DPYD: variants seen among roughly 807,000 people sequenced by gnomAD.
The protein encoded by DPYD is dihydropyrimidine dehydrogenase.
A neutral mutation model predicts 116.2 loss-of-function variants in DPYD; 109 were observed. That is an observed-to-expected ratio of 0.94 (90% CI 0.80 to 1.10). DPYD has a LOEUF of 1.10. Among genes scored for constraint, DPYD ranks in the 50% least tolerant of loss-of-function variants. The pLI is 0.00. For synonymous variants in DPYD, 440 were observed against 432.0 expected (o/e 1.02, Z -0.23); for missense variants, 1,302 against 1,254.5 (o/e 1.04, Z -0.57).
At chr1:97,388,553 T>C (rs1320319530) in intron 14 of DPYD, among the ~76,000 whole-genome samples, 1 of 152,110 alleles carries the variant, frequency 6.6e-6, no homozygotes, top group East Asian at 1.9e-4. Context: ...TGAATGCTTC[T>C]GAAAGTCTGT....
At position 97,082,345 on chromosome 1, in the gene DPYD, A is replaced by T. The variant is rs1432965653; in HGVS notation, c.2892T>A (p.Asn964Lys). ...GGATTCTTACCTGGTAGCCAGAATC[A>T]TTACAGGTCATGTAGCATTTACCAC... ...INCGKCYMTC[N>K]DSGYQAIQFD... Residue 964 changes from asparagine (N) to lysine (K), a missense_variant, in exon 22 of 23, where the codon AAT becomes AAA. Physicochemically the swap from Asn to Lys is moderately conservative, Grantham distance 94. Coordinates refer to ENST00000370192, the MANE Select transcript of DPYD (RefSeq NM_000110.4). 6.2e-7 allele frequency: 1 copy of T among 1,613,546 alleles called. No individual in the cohort carries two copies.
intron 5 of DPYD, among the ~76,000 whole-genome samples, chr1:97,717,937 C>A (rs1662704593): frequency 6.6e-6 from 1 of 151,836 alleles, no homozygotes; most frequent in Non-Finnish European, 1.5e-5. Flanking sequence ...CATGTGTGAT[C>A]AAGTATCTTT....
chr1:97,171,556 C>T (rs1656726893), intron 20 of DPYD, among the ~76,000 whole-genome samples: 1 of 152,186 alleles, frequency 6.6e-6, no homozygotes, highest in African/African-American at 2.4e-5. Context: ...GCTGCCTCTG[C>T]TCTTTCCAGC....
intron 20 of DPYD, among the ~76,000 whole-genome samples, chr1:97,107,890 C>T (rs1291523561): frequency 1.3e-5 from 2 of 152,042 alleles, no homozygotes; most frequent in Admixed American, 1.3e-4. Flanking sequence ...TCTATGCTTC[C>T]TGTTTTACTT....
At chr1:97,486,305 T>A (rs987569954) in intron 13 of DPYD, among the ~76,000 whole-genome samples, 2 of 152,198 alleles carry the variant, frequency 1.3e-5, no homozygotes, top group Non-Finnish European at 2.9e-5. Flanking sequence ...TTGCAGTTTT[T>A]AAGGGCTGAA....
intron 3 of DPYD, among the ~76,000 whole-genome samples, chr1:97,753,192 A>G (rs1019303674): frequency 2.0e-5 from 3 of 152,330 alleles, no homozygotes; most frequent in East Asian, 1.9e-4. Context: ...TAAAAACCCA[A>G]TGAGATAGAT....
chr1:97,181,552 A>T (rs1277653091), intron 20 of DPYD, among the ~76,000 whole-genome samples: 1 of 152,154 alleles, frequency 6.6e-6, no homozygotes, highest in East Asian at 1.9e-4. Flanking sequence ...GCTTCAAAAG[A>T]CAAAGATGCT....
chr1:97,431,159 T>G (rs532830478), intron 14 of DPYD, among the ~76,000 whole-genome samples: 8 of 152,168 alleles, frequency 5.3e-5, no homozygotes, highest in African/African-American at 1.9e-4. Flanking sequence ...TTCTTACACA[T>G]AGAGAAAAAA....
intron 3 of DPYD, among the ~76,000 whole-genome samples, chr1:97,799,498 A>T (rs1206388070): frequency 6.6e-6 from 1 of 151,970 alleles, no homozygotes. Context: ...CATGCTAGTT[A>T]TCTGAAATAA....
intron 2 of DPYD, among the ~76,000 whole-genome samples, chr1:97,869,666 CACAA>C (rs1176740298): frequency 1.3e-5 from 2 of 151,686 alleles, no homozygotes; most frequent in Non-Finnish European, 2.9e-5. Context: ...GATGGATTTG[CACAA>C]ACAAACCTTG....
chr1:97,753,104 T>C (rs1417419053), intron 3 of DPYD, among the ~76,000 whole-genome samples: 1 of 152,220 alleles, frequency 6.6e-6, no homozygotes, highest in African/African-American at 2.4e-5. Flanking sequence ...CACTGTTCTG[T>C]GTGTTTTATA....
At chr1:97,289,148 A>G (rs1206925872) in intron 18 of DPYD, among the ~76,000 whole-genome samples, 1 of 152,184 alleles carries the variant, frequency 6.6e-6, no homozygotes, top group Non-Finnish European at 1.5e-5. Flanking sequence ...AAGAAGCTGA[A>G]TCTCTGAATA....
At chr1:97,865,166 G>T (rs531155739) in intron 2 of DPYD, among the ~76,000 whole-genome samples, 2 of 151,870 alleles carry the variant, frequency 1.3e-5, no homozygotes, top group Non-Finnish European at 2.9e-5. Flanking sequence ...TACACAACAA[G>T]TTGGTCAGGT....
At position 97,593,231 on chromosome 1, in the gene DPYD, G is replaced by A; in HGVS notation, c.1115C>T (p.Ala372Val). The change falls in exon 10 of 23, where the codon GCT becomes GTT. Residue 372 changes from alanine (A) to valine (V), a missense_variant. Coordinates refer to ENST00000370192, the MANE Select transcript of DPYD (RefSeq NM_000110.4). ...GTTCCATTTTACCTCCTCAGGGACAGCTCTTATATTAACAAAGCCTTTTCT... is the reference window on the plus strand; with the variant it reads ...GTTCCATTTTACCTCCTCAGGGACAACTCTTATATTAACAAAGCCTTTTCT... ...VFRKGFVNIR[A>V]VPEEMELAKE... 5 of 1,614,026 alleles carry A rather than the reference G, an allele frequency of 3.1e-6. No individual in the cohort carries two copies. Among genetic ancestry groups the A allele is most frequent in the South Asian group, 1.1e-5 (1 of 91,078 alleles).
chr1:97,835,083 G>A (rs1250590179), intron 2 of DPYD, among the ~76,000 whole-genome samples: 2 of 151,900 alleles, frequency 1.3e-5, no homozygotes, highest in Non-Finnish European at 2.9e-5. Context: ...ACTAATTGTG[G>A]CCAGCTTACA....
intron 14 of DPYD, among the ~76,000 whole-genome samples, chr1:97,416,857 G>A (rs576850669): frequency 6.6e-6 from 1 of 152,190 alleles, no homozygotes; most frequent in Admixed American, 6.5e-5. Flanking sequence ...CGCTTCATGT[G>A]CAGCCTTAAG....
intron 3 of DPYD, among the ~76,000 whole-genome samples, chr1:97,770,693 A>G (rs1474769582): frequency 6.6e-6 from 1 of 152,162 alleles, no homozygotes; most frequent in African/African-American, 2.4e-5. Flanking sequence ...TTATTTCATT[A>G]AATTGGGAAA....
intron 14 of DPYD, among the ~76,000 whole-genome samples, chr1:97,446,589 A>G (rs992297678): frequency 2.0e-5 from 3 of 152,186 alleles, no homozygotes; most frequent in Admixed American, 6.5e-5. Context: ...TCTCTAACAA[A>G]GCCATCATTT....
intron 8 of DPYD, among the ~76,000 whole-genome samples, chr1:97,598,552 C>A (rs1237781383): frequency 1.4e-5 from 2 of 148,106 alleles, no homozygotes; most frequent in Admixed American, 1.3e-4. Flanking sequence ...AAAGGAACAC[C>A]TCCTTAAGAA....
Sources: allele counts gnomAD v4.1 joint callset (sites outside exome capture counted in the v4.1 genomes callset), GRCh38; gene constraint gnomAD v4.1.1; transcripts MANE v1.5; gene names NCBI Gene and HGNC (gene_info 2026-07-23, HGNC 2026-07-21).